The following HIVEP3 variants were observed in gnomAD, a reference collection of about 807,000 sequenced individuals.
The protein encoded by HIVEP3 is HIVEP zinc finger 3, also known as transcription factor HIVEP3.
HIVEP3 carries 49 observed loss-of-function variants against 152.8 expected under a neutral mutation model. That is an observed-to-expected ratio of 0.32 (90% confidence interval 0.26 to 0.41). The LOEUF is 0.41. HIVEP3 is among the 10% of genes least tolerant of loss of function. The probability of loss-of-function intolerance (pLI) is 1.00; values close to 1 mark genes in which losing one functional copy is unlikely to be tolerated. For synonymous variants in HIVEP3, 1,269 were observed against 1,289.0 expected, an observed-to-expected ratio of 0.98 and a Z score of 0.33; for missense variants, 2,790 against 3,103.3, an observed-to-expected ratio of 0.90 and a Z score of 2.40.
chr1:42,020,532 T>C (rs1207391810), intron 1 of HIVEP3, among the ~76,000 whole-genome samples: 1 of 152,194 alleles, frequency 6.6e-6, no homozygotes, highest in Non-Finnish European at 1.5e-5. Flanking sequence ...GCATACATCT[T>C]CTCCTAAAAT....
intron 3 of HIVEP3, among the ~76,000 whole-genome samples, chr1:41,621,715 A>G (rs1264848584): frequency 6.6e-6 from 1 of 152,178 alleles, no homozygotes; most frequent in African/African-American, 2.4e-5. Context: ...ATGAGGTCTC[A>G]CTACCTTGCC....
intron 1 of HIVEP3, among the ~76,000 whole-genome samples, chr1:41,900,415 G>A (rs767748840): frequency 2.0e-5 from 3 of 152,126 alleles, no homozygotes; most frequent in South Asian, 4.1e-4. Context: ...TCCTCCCTTG[G>A]GGGTAGAGTA....
chr1:41,841,887 C>T (rs1470714605), intron 1 of HIVEP3, among the ~76,000 whole-genome samples: 1 of 152,108 alleles, frequency 6.6e-6, no homozygotes, highest in Non-Finnish European at 1.5e-5. Flanking sequence ...GTCAGGAGTT[C>T]AAGACCAGTC....
chr1:41,762,209 G>T (rs558247248), intron 1 of HIVEP3, among the ~76,000 whole-genome samples: 1 of 152,140 alleles, frequency 6.6e-6, no homozygotes, highest in Non-Finnish European at 1.5e-5. Flanking sequence ...TCAGATGGGG[G>T]ACCAACCTCA....
At chr1:41,981,863 C>A (rs950831291) in intron 1 of HIVEP3, among the ~76,000 whole-genome samples, 1 of 152,114 alleles carries the variant, frequency 6.6e-6, no homozygotes, top group Non-Finnish European at 1.5e-5. Flanking sequence ...AGTCTCGTGG[C>A]AAGTTCAGGC....
chr1:41,582,318 T>C lies in HIVEP3; in HGVS notation c.2480A>G (p.Gln827Arg). 6.2e-7 allele frequency: 1 copy of C among 1,614,128 alleles called. No individual in the cohort carries two copies. Among genetic ancestry groups the C allele is most frequent in the South Asian group, 1.1e-5 (1 of 91,074 alleles). The change falls in exon 4 of 9, where the codon CAG (glutamine) becomes CGG (arginine). Residue 827 changes from glutamine to arginine, a missense_variant. Physicochemically the swap from Gln to Arg is conservative, Grantham distance 43. Transcript: ENST00000372583. This position sits in a 1 kb window ranked among gnomAD's most constrained non-coding sequence, Gnocchi z 4.7. Reference protein sequence around the residue: ...GLEGEDKPLAQFPSPPPAPHG... With the variant: ...GLEGEDKPLARFPSPPPAPHG... ...TGGGGCAGGTGGGGGTGATGGGAAC[T>C]GGGCCAGAGGTTTGTCTTCCCCTTC...
intron 1 of HIVEP3, among the ~76,000 whole-genome samples, chr1:41,816,076 T>C (rs1256996718): frequency 6.6e-6 from 1 of 152,194 alleles, no homozygotes; most frequent in Non-Finnish European, 1.5e-5. Flanking sequence ...AGTATTAGTA[T>C]GTAGAAAGTG....
rs141978326 is a variant in HIVEP3 at position 42,005,332 on chromosome 1, C to T, written n.119+30475G>A. 1.3e-3 allele frequency among the ~76,000 whole-genome samples: 192 copies of T among 152,244 alleles called. 1 individual carries two copies. The highest frequency in any genetic ancestry group is 4.3e-3 in the African/African-American group (177 of 41,524). On this transcript the variant is annotated intron_variant and non_coding_transcript_variant, in intron 1 of 3. Coordinates refer to the HIVEP3 transcript ENST00000489103. Reference sequence around the variant, plus strand: ...TAGTAGGTGTACACACACAGACACACGCACGCACACATACATATATATGTA... The same window carrying T: ...TAGTAGGTGTACACACACAGACACATGCACGCACACATACATATATATGTA...
intron 1 of HIVEP3, among the ~76,000 whole-genome samples, chr1:41,781,154 G>A (rs977747493): frequency 6.6e-6 from 1 of 152,162 alleles, no homozygotes; most frequent in Non-Finnish European, 1.5e-5. Flanking sequence ...TGGGTGGATT[G>A]AGCACCTCTT....
At chr1:41,777,688 A>T (rs1185088076) in intron 1 of HIVEP3, among the ~76,000 whole-genome samples, 1 of 152,260 alleles carries the variant, frequency 6.6e-6, no homozygotes, top group African/African-American at 2.4e-5. Context: ...GACCTCACCA[A>T]GCCTGTCATC....
chr1:41,643,357 G>T (rs1645406680), intron 2 of HIVEP3, among the ~76,000 whole-genome samples: 1 of 152,200 alleles, frequency 6.6e-6, no homozygotes, highest in African/African-American at 2.4e-5. Flanking sequence ...CCTGCACACG[G>T]GTCTTCCTCG....
In HIVEP3 at chr1:41,524,856, A is replaced by G; in HGVS notation, c.5262T>C (p.Tyr1754=). ...AGCGAATTCCACACTCCTCACAAAC[A>G]TATTTCCCTCGGCCGCGGCCTCGCA... ...VYVRGRGRGK[Y]VCEECGIRCK... Residue 1754 remains tyrosine, a synonymous_variant, in exon 6 of 9, where the codon TAT becomes TAC. Transcript: ENST00000372583. 6.2e-7 allele frequency: 1 copy of G among 1,614,126 alleles called. No individual in the cohort carries two copies. The highest frequency in any genetic ancestry group is 1.7e-4 in the Middle Eastern group (1 of 6,060).
intron 5 of HIVEP3, among the ~76,000 whole-genome samples, chr1:41,556,114 T>G (rs1047386107): frequency 3.4e-4 from 51 of 152,228 alleles, no homozygotes; most frequent in African/African-American, 1.1e-3. Flanking sequence ...ATATCTGAGT[T>G]CCTGATTTCG....
intron 1 of HIVEP3, among the ~76,000 whole-genome samples, chr1:41,732,075 G>A (rs1051973600): frequency 2.0e-5 from 3 of 152,204 alleles, no homozygotes; most frequent in Non-Finnish European, 4.4e-5. Flanking sequence ...GTGGCATGTG[G>A]TGGGGAATGA....
chr1:41,614,076 C>T (rs935006809), intron 3 of HIVEP3, among the ~76,000 whole-genome samples: 3 of 152,200 alleles, frequency 2.0e-5, no homozygotes. Flanking sequence ...GCCATCAGGG[C>T]AGTGTGGCGT....
intron 3 of HIVEP3, among the ~76,000 whole-genome samples, chr1:41,596,555 A>T (rs150759206): frequency 1.3e-5 from 2 of 152,332 alleles, no homozygotes; most frequent in Non-Finnish European, 2.9e-5. Context: ...ACTAGGCTCC[A>T]TTCAGATTTG....
chr1:41,900,652 A>G (rs1024468132), intron 1 of HIVEP3, among the ~76,000 whole-genome samples: 6 of 152,026 alleles, frequency 3.9e-5, no homozygotes, highest in South Asian at 4.2e-4. Flanking sequence ...CAGTGGTGGT[A>G]TCTTTCACCC....
intron 1 of HIVEP3, among the ~76,000 whole-genome samples, chr1:41,756,267 C>CGA (rs1647302456): frequency 6.6e-6 from 1 of 152,142 alleles, no homozygotes; most frequent in African/African-American, 2.4e-5. Context: ...TGCCAACAGT[C>CGA]AGGGATGACT....
At chr1:41,732,758 C>T (rs1181823591) in intron 1 of HIVEP3, among the ~76,000 whole-genome samples, 1 of 152,162 alleles carries the variant, frequency 6.6e-6, no homozygotes, top group Non-Finnish European at 1.5e-5. Context: ...GAGGACAAGG[C>T]CTGCCTTCCC....
Sources: allele counts gnomAD v4.1 joint callset (sites outside exome capture counted in the v4.1 genomes callset), GRCh38; gene constraint gnomAD v4.1.1; non-coding constraint Gnocchi (gnomAD v3.1); transcripts MANE v1.5; gene names NCBI Gene and HGNC (gene_info 2026-07-23, HGNC 2026-07-21).